The following PRKG1 variants were observed in gnomAD, a reference collection of about 807,000 sequenced individuals.
The protein encoded by PRKG1 is cGMP-dependent protein kinase 1.
In PRKG1, 35 loss-of-function variants were observed where a neutral mutation model predicts 88.1. That is an observed-to-expected ratio of 0.40 (90% confidence interval 0.30 to 0.53). The LOEUF (loss-of-function observed/expected upper bound fraction) is 0.53. Ranked by LOEUF, PRKG1 falls within the 20% of genes least tolerant of loss-of-function variation. The pLI is 0.59. For synonymous variants in PRKG1, 303 were observed against 292.5 expected (o/e 1.04, Z -0.37); for missense variants, 540 against 839.8 (o/e 0.64, Z 4.41).
rs1283124247 is a variant in PRKG1, at chr10:51,017,968, C to A, written c.266+26324C>A. On this transcript the variant is annotated intron_variant, in intron 1 of 17. Transcript: ENST00000401604. Reference sequence around the variant, plus strand: ...TGCGTGGGACCACAGGTGCATGCCACCACATTAAGCTAATTATTATTATTA... The same window carrying A: ...TGCGTGGGACCACAGGTGCATGCCAACACATTAAGCTAATTATTATTATTA... Among the ~76,000 whole-genome samples, 3 of 151,778 alleles carry A rather than the reference C, an allele frequency of 2.0e-5. No individual in the cohort carries two copies. The East Asian group carries it at 5.8e-4, about 30-fold the overall frequency.
chr10:51,077,381 C>T (rs558430463), intron 1 of PRKG1, among the ~76,000 whole-genome samples: 2 of 152,128 alleles, frequency 1.3e-5, no homozygotes, highest in Non-Finnish European at 2.9e-5. Context: ...ACATTAATTT[C>T]CAGTTTACGT....
At chr10:51,619,278 A>T (rs1839147193) in intron 3 of PRKG1, among the ~76,000 whole-genome samples, 1 of 152,234 alleles carries the variant, frequency 6.6e-6, no homozygotes. Context: ...AGTAAAGTAA[A>T]TGTATAGAGA....
chr10:51,704,629 T>G (rs2132421230), intron 3 of PRKG1, among the ~76,000 whole-genome samples: 1 of 152,302 alleles, frequency 6.6e-6, no homozygotes, highest in African/African-American at 2.4e-5. Context: ...AGGGTTATAA[T>G]CTGGCATAGA....
intron 1 of PRKG1, among the ~76,000 whole-genome samples, chr10:51,039,849 C>T (rs1186213416): frequency 6.6e-6 from 1 of 152,082 alleles, no homozygotes; most frequent in Admixed American, 6.6e-5. Context: ...AGAGATTGTT[C>T]TTCCATGATG....
chr10:51,587,287 G>T (rs554765610), intron 3 of PRKG1, among the ~76,000 whole-genome samples: 2 of 152,038 alleles, frequency 1.3e-5, no homozygotes, highest in South Asian at 2.1e-4. Flanking sequence ...TGCAGAAAGG[G>T]AATTTTTCCT....
At chr10:51,609,197 T>A (rs894488661) in intron 3 of PRKG1, among the ~76,000 whole-genome samples, 6 of 152,152 alleles carry the variant, frequency 3.9e-5, no homozygotes, top group African/African-American at 1.2e-4. Flanking sequence ...TTAAAAAAAA[T>A]TTAGTGTAGT....
chr10:51,597,071 T>A (rs545202563), intron 3 of PRKG1, among the ~76,000 whole-genome samples: 4 of 152,354 alleles, frequency 2.6e-5, no homozygotes, highest in Non-Finnish European at 5.9e-5. Context: ...TATCTAGGGT[T>A]AGGAAAAGTA....
intron 4 of PRKG1, among the ~76,000 whole-genome samples, chr10:51,878,647 A>G (rs777851131): frequency 2.6e-5 from 4 of 152,116 alleles, no homozygotes; most frequent in Admixed American, 6.6e-5. Context: ...ACTACTCACC[A>G]TCTAATTTTG....
chr10:51,049,047 T>A (rs1244368344), intron 1 of PRKG1, among the ~76,000 whole-genome samples: 2 of 152,038 alleles, frequency 1.3e-5, no homozygotes, highest in Non-Finnish European at 2.9e-5. Context: ...TGACAGAGGC[T>A]CTGTGTAGAT....
Position 52,297,470 on chromosome 10 carries a change from T to C in PRKG1, c.*3570T>C, listed in dbSNP as rs1842406236. 6.6e-6 allele frequency: 1 copy of C among 152,196 alleles called. No individual in the cohort carries two copies. Among genetic ancestry groups the C allele is most frequent in the Non-Finnish European group, 1.5e-5 (1 of 68,036 alleles). The allele number at this position is 152,196 out of a possible 1,614,324, so 9.4% of individuals were successfully genotyped here. On this transcript the variant is annotated 3_prime_UTR_variant, in exon 18 of 18. Coordinates refer to ENST00000373980, the MANE Select transcript of PRKG1 (RefSeq NM_006258.4). ...CTTAGCTTGCTGCGTTTTACAGTTC[T>C]TTCTGCTAACAATTTATAAGCCTTT... is the stretch of plus-strand genomic sequence containing the variant.
intron 1 of PRKG1, among the ~76,000 whole-genome samples, chr10:51,092,306 G>A (rs1404687739): frequency 6.6e-6 from 1 of 152,192 alleles, no homozygotes; most frequent in African/African-American, 2.4e-5. Context: ...TGTGCCTGAA[G>A]TGATGATTTC....
intron 4 of PRKG1, among the ~76,000 whole-genome samples, chr10:51,858,559 T>C (rs181831464): frequency 1.4e-5 from 2 of 139,048 alleles, no homozygotes; most frequent in Admixed American, 1.5e-4. Flanking sequence ...TTGCAGATTC[T>C]AAAAAAAAAA....
chr10:51,355,567 A>G (rs1468433327), intron 2 of PRKG1, among the ~76,000 whole-genome samples: 4 of 152,006 alleles, frequency 2.6e-5, no homozygotes, highest in Admixed American at 1.3e-4. Flanking sequence ...AAGAAATCTA[A>G]TAGCCACAGT....
At chr10:51,221,613 T>TA (rs566865643) in intron 2 of PRKG1, among the ~76,000 whole-genome samples, 4,600 of 126,634 alleles carry the variant, frequency 0.036, 187 homozygotes, top group African/African-American at 0.11. Context: ...CAATGTGTTC[T>TA]AAAAAAAAAA....
At chr10:52,155,429 CA>C (rs934134061) in intron 8 of PRKG1, among the ~76,000 whole-genome samples, 2 of 151,616 alleles carry the variant, frequency 1.3e-5, no homozygotes, top group Non-Finnish European at 2.9e-5. Flanking sequence ...AGCAAATAAA[CA>C]AAAAAATCGA....
At chr10:51,613,592 T>C (rs1437014381) in intron 3 of PRKG1, among the ~76,000 whole-genome samples, 1 of 151,674 alleles carries the variant, frequency 6.6e-6, no homozygotes, top group African/African-American at 2.4e-5. Flanking sequence ...CTAGTTTATT[T>C]GAAATTTTTC....
chr10:51,753,462 C>T (rs1037782209), intron 3 of PRKG1, among the ~76,000 whole-genome samples: 1 of 152,038 alleles, frequency 6.6e-6, no homozygotes, highest in African/African-American at 2.4e-5. Context: ...TGAAGACACT[C>T]GGTCGGTACA....
chr10:51,628,960 C>T (rs1839449005), intron 3 of PRKG1, among the ~76,000 whole-genome samples: 3 of 73,026 alleles, frequency 4.1e-5, no homozygotes, highest in African/African-American at 4.7e-5. Flanking sequence ...AGCGAGACTC[C>T]GTCTCAAAAA....
chr10:51,202,797 C>T (rs1456013568), intron 2 of PRKG1, among the ~76,000 whole-genome samples: 1 of 152,068 alleles, frequency 6.6e-6, no homozygotes, highest in Non-Finnish European at 1.5e-5. Context: ...TATGATGGAG[C>T]CATAATGTGG....
Sources: allele counts gnomAD v4.1 joint callset (sites outside exome capture counted in the v4.1 genomes callset), GRCh38; gene constraint gnomAD v4.1.1; transcripts MANE v1.5; gene names NCBI Gene and HGNC (gene_info 2026-07-23, HGNC 2026-07-21).